GIT1: variants seen among roughly 807,000 people sequenced by gnomAD.
GIT1 encodes the protein ARF GTPase-activating protein GIT1.
In GIT1, 14 loss-of-function variants were observed where a neutral mutation model predicts 91.7. That is an observed-to-expected ratio of 0.15 (90% CI 0.10 to 0.24). The LOEUF is 0.24. GIT1 is among the 10% of genes least tolerant of loss of function. The probability of loss-of-function intolerance (pLI) is 1.00; values close to 1 mark genes in which losing one functional copy is unlikely to be tolerated. For synonymous variants in GIT1, 414 were observed against 418.2 expected (o/e 0.99, Z 0.12); for missense variants, 717 against 1,024.9 (o/e 0.70, Z 4.10).
Position 29,573,996 on chromosome 17 carries a change from G to T in GIT1, c.*706C>A, listed in dbSNP as rs533209861. Reference sequence around the variant, plus strand: ...TCCCCATGCTGGTCCCACTGCTCTGGTCCCCTCACCCCTCAAAACTCCAGA... The same window carrying T: ...TCCCCATGCTGGTCCCACTGCTCTGTTCCCCTCACCCCTCAAAACTCCAGA... On this transcript the variant is annotated 3_prime_UTR_variant, in exon 20 of 20. Transcript: ENST00000225394. 6.6e-6 allele frequency: 1 copy of T among 152,472 alleles called. No homozygotes were observed. The highest frequency in any genetic ancestry group is 1.5e-5 in the Non-Finnish European group (1 of 68,128). The allele number at this position is 152,472 out of a possible 1,614,324, so 9.4% of individuals were successfully genotyped here. A position where few individuals can be genotyped will look rare whatever the true frequency, so the allele number is the denominator to read the frequency against.
At chr17:29,577,068 G>T in intron 11 of GIT1, 68 bp downstream of exon 11, 1 of 1,607,216 alleles carries the variant, frequency 6.2e-7, no homozygotes. Flanking sequence ...CACTGGCAGG[G>T]AGAGCCATGC....
In GIT1 at chr17:29,575,737, T is replaced by G; in HGVS notation, c.1753-34A>C. On this transcript the variant is annotated intron_variant, in intron 16 of 19. Transcript: ENST00000225394. The surrounding 1 kb of genome is among the most constrained non-coding windows in gnomAD (Gnocchi z 5.5). The stretch of plus-strand genomic sequence containing the variant: ...CGGAGGGAAGGGGCTGTGAGCGCCG[T>G]GTTCCTGGACCCACACTGCCCCTAG... The G allele has an allele frequency of 6.2e-7, 1 of 1,611,276 alleles. No homozygotes were observed. The highest frequency in any genetic ancestry group is 8.5e-7 in the Non-Finnish European group (1 of 1,178,370).
intron 1 of GIT1, among the ~76,000 whole-genome samples, chr17:29,584,602 G>C (rs1355736181): frequency 6.6e-6 from 1 of 152,210 alleles, no homozygotes; most frequent in Non-Finnish European, 1.5e-5. Flanking sequence ...GCCTGAGAGT[G>C]GGGGCAGGGC....
intron 7 of GIT1, among the ~76,000 whole-genome samples, chr17:29,580,596 G>A (rs377093940): frequency 2.0e-5 from 3 of 152,256 alleles, no homozygotes; most frequent in Non-Finnish European, 4.4e-5. Context: ...CTCAGCGCAC[G>A]TGCCTAATTC....
intron 2 of GIT1, 91 bp from the exon 3 acceptor site, chr17:29,583,128 G>T: frequency 1.2e-6 from 1 of 855,572 alleles, no homozygotes; most frequent in Non-Finnish European, 1.9e-6. Context: ...GGCTGGCGTA[G>T]CTGGAAACGG....
Position 29,581,262 on chromosome 17 carries a change from G to A in GIT1, c.761+76C>T, listed in dbSNP as rs2033384223. 1 of 1,081,120 alleles carries A rather than the reference G, an allele frequency of 9.2e-7. No homozygotes were observed. The allele number at this position is 1,081,120 out of a possible 1,614,324, so 67.0% of individuals were successfully genotyped here. ...CAGGGTCCTAGGCCTCTGAAACCTG[G>A]GCTGGGAGCTCTGGGGGTCAGCCAC... On this transcript the variant is annotated intron_variant, in intron 7 of 19. Transcript: ENST00000225394. The surrounding 1 kb of genome is among the most constrained non-coding windows in gnomAD (Gnocchi z 4.8).
intron 7 of GIT1, among the ~76,000 whole-genome samples, chr17:29,580,748 C>A (rs987780798): frequency 2.0e-5 from 3 of 151,928 alleles, no homozygotes; most frequent in African/African-American, 7.2e-5. Context: ...CCCACCCTCC[C>A]AGCCGGAGGT....
rs1443820451 is a variant in GIT1 at position 29,574,413 on chromosome 17, G to C, written c.*289C>G. On this transcript the variant is annotated 3_prime_UTR_variant, in exon 20 of 20. Transcript: ENST00000225394. ...TTGCTGAGGGTGCCCTAGAAGGCGA[G>C]GGGCTGGGAGTGATGCCTTGCAGGC... 2.2e-6 allele frequency: 1 copy of C among 446,614 alleles called. No individual in the cohort carries two copies. The highest frequency in any genetic ancestry group is 2.0e-5 in the African/African-American group (1 of 50,548). 27.7% of individuals were successfully genotyped at this position (446,614 alleles called of 1,614,324 possible).
At position 29,578,767 on chromosome 17, in the gene GIT1, G is replaced by A. The variant is rs760062679; in HGVS notation, c.774C>T (p.Ser258=). 13 of 1,613,942 alleles carry A rather than the reference G, an allele frequency of 8.1e-6. No homozygotes were observed. Among genetic ancestry groups the A allele is most frequent in the Admixed American group, 6.7e-5 (4 of 60,012 alleles). ...TCTTCTTAGCAGCTTTGGCCAATTC[G>A]GATAAGTCAAGGCTGAGGGCAGAGG... The part of the protein sequence containing the change: ...IPQMADSLDL[S]ELAKAAKKKL... The change falls in exon 8 of 20, where the codon TCC becomes TCT. Residue 258 remains serine, a synonymous_variant. Coordinates refer to ENST00000225394, the MANE Select transcript of GIT1 (RefSeq NM_014030.4).
Position 29,576,608 on chromosome 17 carries a change from C to A in GIT1, c.1294G>T (p.Ala432Ser). The A allele has an allele frequency of 1.2e-6, 2 of 1,614,064 alleles. No homozygotes were observed. ...TLQEYLELKKALATSEAKVQQ... is the reference protein window; with the variant it reads ...TLQEYLELKKSLATSEAKVQQ... Reference sequence around the variant, plus strand: ...ACCTTTGCCTCCGATGTAGCCAGGGCCTTCTTCAGCTCCAGGTACTCCTGC... The same window carrying A: ...ACCTTTGCCTCCGATGTAGCCAGGGACTTCTTCAGCTCCAGGTACTCCTGC... Residue 432 changes from alanine (A) to serine (S), a missense_variant, in exon 13 of 20, where the codon GCC (alanine) becomes TCC (serine). By Grantham distance (99) the Ala-to-Ser change is moderately conservative. Transcript: ENST00000225394.
chr17:29,574,617 T>G lies in GIT1; in HGVS notation c.*85A>C. The G allele has an allele frequency of 3.0e-5, 33 of 1,108,124 alleles. No homozygotes were observed. The highest frequency in any genetic ancestry group is 4.2e-5 in the Non-Finnish European group (31 of 729,706). The allele number at this position is 1,108,124 out of a possible 1,614,324, so 68.6% of individuals were successfully genotyped here. A position where few individuals can be genotyped will look rare whatever the true frequency, so the allele number is the denominator to read the frequency against. ...AAGGGCACTTGTGCCAGTGGCTCTG[T>G]TGGGGTGGGGATTAATGTCTGGAGT... is the stretch of plus-strand genomic sequence containing the variant. On this transcript the variant is annotated 3_prime_UTR_variant, in exon 20 of 20. Transcript: ENST00000225394.
chr17:29,585,698 C>T (rs2033571118), intron 1 of GIT1, among the ~76,000 whole-genome samples: 1 of 152,220 alleles, frequency 6.6e-6, no homozygotes, highest in South Asian at 2.1e-4. Context: ...CCTAACCATT[C>T]TGTCTCCTCC....
chr17:29,582,866 C>T, intron 3 of GIT1, 59 bp downstream of exon 3: 4 of 1,551,000 alleles, frequency 2.6e-6, no homozygotes, highest in Non-Finnish European at 3.6e-6. Flanking sequence ...CTTGCCACCT[C>T]CCAGGGCCCT....
rs2033395787 is a variant in GIT1 at position 29,581,561 on chromosome 17, C to T, written c.718+181G>A. ...AGGATGCAGGATGCCCACCCCCACT[C>T]CCTAGCCCCAGCGATGCTATGGCCC... On this transcript the variant is annotated intron_variant, in intron 6 of 19. Coordinates refer to ENST00000225394, the MANE Select transcript of GIT1 (RefSeq NM_014030.4). This position sits in a 1 kb window ranked among gnomAD's most constrained non-coding sequence, Gnocchi z 4.8. The T allele has an allele frequency of 4.3e-6, 3 of 700,636 alleles. No homozygotes were observed. Among genetic ancestry groups the T allele is most frequent in the South Asian group, 3.3e-5 (2 of 60,942 alleles). The allele number at this position is 700,636 out of a possible 1,614,324, so 43.4% of individuals were successfully genotyped here. A position where few individuals can be genotyped will look rare whatever the true frequency, so the allele number is the denominator to read the frequency against.
At chr17:29,579,026 C>A (rs756533829) in intron 7 of GIT1, 1 of 1,605,570 alleles carries the variant, frequency 6.2e-7, no homozygotes. Flanking sequence ...AAGAACAGGA[C>A]AGAGGCGGCA....
chr17:29,578,716 T>G lies in GIT1; in HGVS notation c.810+15A>C. 6.2e-7 allele frequency: 1 copy of G among 1,611,898 alleles called. No individual in the cohort carries two copies. Among genetic ancestry groups the G allele is most frequent in the Non-Finnish European group, 8.5e-7 (1 of 1,177,964 alleles). ...GCCAGCTTCAAGTGTCAGGGCACTG[T>G]TGGAGCAGACTTACCGCCTGCAGCT... On this transcript the variant is annotated intron_variant, in intron 8 of 19. Coordinates refer to ENST00000225394, the MANE Select transcript of GIT1 (RefSeq NM_014030.4).
At position 29,583,493 on chromosome 17, in the gene GIT1, G is replaced by A. The variant is rs767887643; in HGVS notation, c.176C>T (p.Thr59Met). 1.6e-5 allele frequency: 25 copies of A among 1,612,084 alleles called. No individual in the cohort carries two copies. The highest frequency in any genetic ancestry group is 6.7e-5 in the Admixed American group (4 of 59,972). The change falls in exon 2 of 20, where the codon ACG becomes ATG. Residue 59 changes from threonine to methionine, a missense_variant. Physicochemically the swap from Thr to Met is moderately conservative, Grantham distance 81. Coordinates refer to ENST00000225394, the MANE Select transcript of GIT1 (RefSeq NM_014030.4). ...GACTGAGCCCTGTACCTGCAGCAGC[G>A]TGGGAGGCCAGGCGCTGTGGCGAAG... ...KHLRHSAWPPTLLQMVHTLAS... is the reference protein window; with the variant it reads ...KHLRHSAWPPMLLQMVHTLAS...
chr17:29,585,778 T>C (rs757633267), intron 1 of GIT1, among the ~76,000 whole-genome samples: 6 of 152,080 alleles, frequency 3.9e-5, no homozygotes, highest in Non-Finnish European at 8.8e-5. Context: ...GTCAAGAAGC[T>C]CCTTGGACCA....
chr17:29,583,113 GCTGTGGCT>G, intron 2 of GIT1, 76 bp from the exon 3 acceptor site: 2 of 979,296 alleles, frequency 2.0e-6, no homozygotes, highest in Admixed American at 3.6e-5. Flanking sequence ...CTGAGCGCCT[GCTGTGGCT>G]GGCGTAGCTG....
Sources: allele counts gnomAD v4.1 joint callset (sites outside exome capture counted in the v4.1 genomes callset), GRCh38; gene constraint gnomAD v4.1.1; non-coding constraint Gnocchi (gnomAD v3.1); transcripts MANE v1.5; gene names NCBI Gene and HGNC (gene_info 2026-07-23, HGNC 2026-07-21).